Variants in HELZ observed in about 807,000 individuals in gnomAD.
HELZ encodes ATP-dependent RNA helicase with zinc finger domain.
Under a neutral mutation model 218.2 loss-of-function variants are expected in HELZ, and 23 were observed. The ratio of observed to expected loss-of-function variants is 0.11; its 90% CI spans 0.08 to 0.15. HELZ has a LOEUF of 0.15. Among genes scored for constraint, HELZ ranks in the 10% least tolerant of loss-of-function variants. The probability of loss-of-function intolerance (pLI) is 1.00; values close to 1 mark genes in which losing one functional copy is unlikely to be tolerated. For missense variants in HELZ, 1,813 were observed against 2,353.7 expected (o/e 0.77, Z 4.75); for synonymous variants, 814 against 829.4 (o/e 0.98, Z 0.32).
chr17:67,152,664 A>G (rs577458033), intron 17 of HELZ, among the ~76,000 whole-genome samples: 45 of 151,740 alleles, frequency 3.0e-4, no homozygotes, highest in Non-Finnish European at 3.7e-4. Flanking sequence ...AAGGCAATAC[A>G]TAAGTTTGGA....
intron 31 of HELZ, among the ~76,000 whole-genome samples, chr17:67,096,893 T>C (rs1031379881): frequency 3.3e-5 from 5 of 152,238 alleles, no homozygotes; most frequent in Non-Finnish European, 7.3e-5. Context: ...AACTTTTCCT[T>C]TGCATTCCCA....
chr17:67,149,775 C>A, intron 19 of HELZ, 92 bp downstream of exon 19: 1 of 672,054 alleles, frequency 1.5e-6, no homozygotes, highest in Non-Finnish European at 2.6e-6. Context: ...TAATGCATGG[C>A]ATAATGTCAT....
At chr17:67,228,856 T>C (rs144652823) in intron 3 of HELZ, among the ~76,000 whole-genome samples, 2 of 152,146 alleles carry the variant, frequency 1.3e-5, no homozygotes, top group Non-Finnish European at 1.5e-5. Context: ...GTAGCTGGTA[T>C]TACAGGCATA....
rs10692832 is a variant in HELZ, at chr17:67,212,314, CAAAAA to C, written c.247+3580_247+3584del. Among the ~76,000 whole-genome samples, 16 of 21,394 alleles carry C rather than the reference CAAAAA, an allele frequency of 7.5e-4. 1 individual carries two copies. Among genetic ancestry groups the C allele is most frequent in the South Asian group, 4.4e-3 (1 of 228 alleles). The allele number at this position is 21,394 out of a possible 152,430, so 14.0% of individuals were successfully genotyped here. A position where few individuals can be genotyped will look rare whatever the true frequency, so the allele number is the denominator to read the frequency against. ...TGGGCGACAGGGAGAGACACCATCT[CAAAAA>C]AAAAAAAAAAAAAAAAGGCTACACT... is the stretch of plus-strand genomic sequence containing the variant. On this transcript the variant is annotated intron_variant, in intron 5 of 32. Transcript: ENST00000358691.
At chr17:67,153,785 A>C (rs911145899) in intron 17 of HELZ, among the ~76,000 whole-genome samples, 5 of 152,268 alleles carry the variant, frequency 3.3e-5, no homozygotes, top group Non-Finnish European at 7.3e-5. Flanking sequence ...CATGATATGA[A>C]TATAGGCAAT....
Position 67,203,448 on chromosome 17 carries a change from C to CA in HELZ, c.248-6dup. 2 of 1,613,092 alleles carry CA rather than the reference C, an allele frequency of 1.2e-6. No homozygotes were observed. Among genetic ancestry groups the CA allele is most frequent in the Non-Finnish European group, 1.7e-6 (2 of 1,179,578 alleles). ...TGGCCAGTCCTTCTCCCAGCACTGC[C>CA]ATGAAAGAACAGCCATCATTAACCA... On this transcript the variant is annotated splice_polypyrimidine_tract_variant and splice_region_variant and intron_variant, in intron 5 of 32. Coordinates refer to ENST00000358691, the MANE Select transcript of HELZ (RefSeq NM_014877.4).
At chr17:67,128,606 G>A in intron 24 of HELZ, 45 bp downstream of exon 24, 5 of 1,546,694 alleles carry the variant, frequency 3.2e-6, no homozygotes, top group Non-Finnish European at 4.5e-6. Context: ...CTTCTGCGAA[G>A]TTTTCTCCCT....
At chr17:67,113,877 G>A (rs1054843620) in intron 28 of HELZ, among the ~76,000 whole-genome samples, 13 of 152,202 alleles carry the variant, frequency 8.5e-5, no homozygotes, top group African/African-American at 2.9e-4. Context: ...TTTTCTCTAA[G>A]TAGTTTATAA....
chr17:67,122,400 G>C (rs2037639297), intron 26 of HELZ, among the ~76,000 whole-genome samples: 2 of 152,226 alleles, frequency 1.3e-5, no homozygotes, highest in Non-Finnish European at 2.9e-5. Context: ...AAAAAAATTA[G>C]CCAGGCGTGG....
At chr17:67,111,950 G>A (rs1381584370) in intron 28 of HELZ, among the ~76,000 whole-genome samples, 1 of 152,220 alleles carries the variant, frequency 6.6e-6, no homozygotes, top group African/African-American at 2.4e-5. Flanking sequence ...GGTTGTTTAT[G>A]AATAAGTTGC....
At chr17:67,158,587 T>A (rs1445452193) in intron 17 of HELZ, among the ~76,000 whole-genome samples, 1 of 152,222 alleles carries the variant, frequency 6.6e-6, no homozygotes, top group Non-Finnish European at 1.5e-5. Flanking sequence ...GGCTTTTTCT[T>A]ACTTTATTCC....
At chr17:67,099,683 T>C (rs531824902) in intron 31 of HELZ, among the ~76,000 whole-genome samples, 2 of 152,216 alleles carry the variant, frequency 1.3e-5, no homozygotes, top group Non-Finnish European at 2.9e-5. Context: ...TCTTATAAGA[T>C]ATACCTCTAA....
rs184988817 is a variant in HELZ at position 67,102,092 on chromosome 17, G to C, written c.5241+5077C>G. On this transcript the variant is annotated intron_variant, in intron 31 of 32. Transcript: ENST00000358691. ...CATGGCTTTTGCTGCGTTTGAGGTG[G>C]GGAAGGAAAATCCATGGAGTTAAGC... Among the ~76,000 whole-genome samples the C allele has an allele frequency of 8.5e-4, 129 of 152,304 alleles. 2 individuals carry two copies. The highest frequency in any genetic ancestry group is 2.9e-4 in the Non-Finnish European group (20 of 68,028).
intron 28 of HELZ, among the ~76,000 whole-genome samples, chr17:67,113,987 C>T (rs2037358312): frequency 1.3e-5 from 2 of 152,164 alleles, no homozygotes; most frequent in African/African-American, 4.8e-5. Context: ...AAGTCTTCCC[C>T]TCTCTGAGGA....
intron 31 of HELZ, among the ~76,000 whole-genome samples, chr17:67,103,403 T>C (rs1366553691): frequency 6.6e-6 from 1 of 152,152 alleles, no homozygotes; most frequent in African/African-American, 2.4e-5. Context: ...TTCAGCAAGA[T>C]TGCAGATACA....
At chr17:67,245,286 G>A (rs2041453460), upstream of HELZ, 1 of 912,782 alleles carries the variant, frequency 1.1e-6, no homozygotes, top group Non-Finnish European at 1.3e-6. Context: ...CCCTCCGGCC[G>A]CGCCTCCCGC....
At chr17:67,125,246 T>C (rs2037746323) in intron 24 of HELZ, among the ~76,000 whole-genome samples, 1 of 125,768 alleles carries the variant, frequency 8.0e-6, no homozygotes, top group Non-Finnish European at 1.6e-5. Flanking sequence ...GTTGGTCCAT[T>C]AACCTCAAGA....
chr17:67,150,064 T>TTA, intron 18 of HELZ, 79 bp from the exon 19 acceptor site: 2 of 787,190 alleles, frequency 2.5e-6, no homozygotes, highest in Non-Finnish European at 4.2e-6. Flanking sequence ...TTTTCTTTTC[T>TTA]GCTAAGTAAA....
intron 24 of HELZ, among the ~76,000 whole-genome samples, chr17:67,127,614 A>G (rs2037840293): frequency 6.6e-6 from 1 of 152,190 alleles, no homozygotes; most frequent in Admixed American, 6.5e-5. Context: ...TTGGGAAGCC[A>G]AGGCGTGCAG....
Sources: allele counts gnomAD v4.1 joint callset (sites outside exome capture counted in the v4.1 genomes callset), GRCh38; gene constraint gnomAD v4.1.1; transcripts MANE v1.5; gene names NCBI Gene and HGNC (gene_info 2026-07-23, HGNC 2026-07-21).